MAF: variants seen among roughly 807,000 people sequenced by gnomAD.
MAF encodes the protein MAF bZIP transcription factor, also known as transcription factor Maf.
A neutral mutation model predicts 22.0 loss-of-function variants in MAF; 10 were observed. The ratio of observed to expected loss-of-function variants is 0.45; its 90% CI spans 0.28 to 0.77. The LOEUF is 0.77. Ranked by LOEUF, MAF falls within the 30% of genes least tolerant of loss-of-function variation. The pLI is 0.12. For missense variants in MAF, 544 were observed against 548.4 expected, an observed-to-expected ratio of 0.99 and a Z score of 0.08; for synonymous variants, 337 against 255.8, an observed-to-expected ratio of 1.32 and a Z score of -3.03.
chr16:79,589,650 G>A (rs755906808), downstream of MAF, among the ~76,000 whole-genome samples: 7 of 152,212 alleles, frequency 4.6e-5, no homozygotes, highest in Non-Finnish European at 1.0e-4. Context: ...TTGCGGGACC[G>A]AGTCTTGCTC....
At chr16:79,225,347 A>C in the MAF span, among the ~76,000 whole-genome samples, 2 of 152,210 alleles carry the variant, frequency 1.3e-5, no homozygotes, top group Non-Finnish European at 2.9e-5. Context: ...CTTATGCCTT[A>C]TACAAAAATT....
At chr16:79,507,585 T>A in the MAF span, among the ~76,000 whole-genome samples, 2 of 151,912 alleles carry the variant, frequency 1.3e-5, no homozygotes, top group African/African-American at 2.4e-5. Context: ...CCACCATGCC[T>A]GGCTAATTTT....
chr16:79,298,059 A>G, the MAF span, among the ~76,000 whole-genome samples: 1 of 152,252 alleles, frequency 6.6e-6, no homozygotes, highest in Non-Finnish European at 1.5e-5. Context: ...GTTTGAAATT[A>G]TTAACAATGT....
At chr16:79,582,523 C>T (rs1321861228), downstream of MAF, among the ~76,000 whole-genome samples, 1 of 152,180 alleles carries the variant, frequency 6.6e-6, no homozygotes, top group Non-Finnish European at 1.5e-5. Flanking sequence ...GCTGCACATG[C>T]TCTGCTATAA....
the MAF span, among the ~76,000 whole-genome samples, chr16:79,453,796 T>G: frequency 6.6e-6 from 1 of 152,210 alleles, no homozygotes; most frequent in Non-Finnish European, 1.5e-5. Context: ...AGACTGGCTT[T>G]GACAGGCCCT....
the MAF span, among the ~76,000 whole-genome samples, chr16:79,435,106 C>T: frequency 6.6e-6 from 1 of 152,182 alleles, no homozygotes; most frequent in Non-Finnish European, 1.5e-5. Context: ...ATGACTTGCT[C>T]TAAGAAGTCT....
At chr16:79,370,370 C>T in the MAF span, among the ~76,000 whole-genome samples, 1 of 152,198 alleles carries the variant, frequency 6.6e-6, no homozygotes, top group Non-Finnish European at 1.5e-5. Flanking sequence ...AAATCTGGAG[C>T]ACTTAATGTG....
At chr16:79,488,304 C>T in the MAF span, among the ~76,000 whole-genome samples, 11 of 152,260 alleles carry the variant, frequency 7.2e-5, no homozygotes, top group East Asian at 7.7e-4. Context: ...AAAAACACCT[C>T]GTGTTGGGTG....
the MAF span, among the ~76,000 whole-genome samples, chr16:79,371,012 G>C: frequency 3.9e-5 from 6 of 152,232 alleles, no homozygotes; most frequent in Non-Finnish European, 8.8e-5. Flanking sequence ...AGTGGATAAA[G>C]AATTCAGGCA....
intron 1 of MAF, chr16:79,598,055 A>T: frequency 9.6e-7 from 1 of 1,044,904 alleles, no homozygotes; most frequent in Non-Finnish European, 1.2e-6. Flanking sequence ...ATGCTAAAAA[A>T]AAAACCCGAT....
chr16:79,309,322 A>G, the MAF span, among the ~76,000 whole-genome samples: 1 of 152,272 alleles, frequency 6.6e-6, no homozygotes, highest in Non-Finnish European at 1.5e-5. Context: ...GGCTATTTGT[A>G]GAAGATTCGC....
the MAF span, among the ~76,000 whole-genome samples, chr16:79,321,583 G>A: frequency 6.6e-6 from 1 of 151,722 alleles, no homozygotes; most frequent in Non-Finnish European, 1.5e-5. Flanking sequence ...GGCATCACCA[G>A]AGGCACAGAA....
the MAF span, among the ~76,000 whole-genome samples, chr16:79,576,259 A>AAG: frequency 6.8e-6 from 1 of 146,192 alleles, no homozygotes; most frequent in Non-Finnish European, 1.5e-5. Flanking sequence ...AAAAAAAAAA[A>AAG]GGACCAGTAC....
the MAF span, among the ~76,000 whole-genome samples, chr16:79,272,502 T>C: frequency 1.3e-5 from 2 of 152,174 alleles, no homozygotes; most frequent in Non-Finnish European, 1.5e-5. Context: ...CACACCGACT[T>C]GCTCAGAACT....
At chr16:79,220,755 A>G in the MAF span, among the ~76,000 whole-genome samples, 1 of 152,318 alleles carries the variant, frequency 6.6e-6, no homozygotes, top group African/African-American at 2.4e-5. Flanking sequence ...GTTACTGGCA[A>G]GATACTTTTT....
At chr16:79,259,594 G>A in the MAF span, among the ~76,000 whole-genome samples, 1 of 152,066 alleles carries the variant, frequency 6.6e-6, no homozygotes, top group East Asian at 1.9e-4. Flanking sequence ...ATTGCTGGGT[G>A]AAAAAAGGAT....
the MAF span, among the ~76,000 whole-genome samples, chr16:79,337,068 C>A: frequency 6.6e-6 from 1 of 152,176 alleles, no homozygotes; most frequent in Non-Finnish European, 1.5e-5. Context: ...TCCCTGCAAA[C>A]CTTCATACAA....
chr16:79,274,275 A>G, the MAF span, among the ~76,000 whole-genome samples: 3 of 150,134 alleles, frequency 2.0e-5, no homozygotes, highest in African/African-American at 7.4e-5. Flanking sequence ...TTTAATTTTC[A>G]GAAAAAAGAA....
the MAF span, among the ~76,000 whole-genome samples, chr16:79,568,759 A>G: frequency 1.7e-3 from 256 of 152,314 alleles, 5 homozygotes; most frequent in East Asian, 0.046. Flanking sequence ...GTAGTAAGTG[A>G]GCATCTTGAA....
Sources: gnomAD v4.1 joint callset for allele counts (sites outside exome capture counted in the v4.1 genomes callset) on GRCh38, gnomAD v4.1.1 for gene constraint, MANE v1.5 for transcripts, NCBI Gene and HGNC (gene_info 2026-07-23, HGNC 2026-07-21) for gene names.